The following DGKB variants were observed in gnomAD, a reference collection of about 807,000 sequenced individuals.
DGKB encodes the protein diacylglycerol kinase beta.
In DGKB, 67 loss-of-function variants were observed where a neutral mutation model predicts 114.3. The ratio of observed to expected loss-of-function variants is 0.59; its 90% CI spans 0.48 to 0.72. The LOEUF is 0.72. Among genes scored for constraint, DGKB ranks in the 30% least tolerant of loss-of-function variants. DGKB has a pLI of 0.00. For missense variants in DGKB, 907 were observed against 975.2 expected, an observed-to-expected ratio of 0.93 and a Z score of 0.93; for synonymous variants, 398 against 323.1, an observed-to-expected ratio of 1.23 and a Z score of -2.49.
chr7:14,421,548 C>G lies in DGKB; in HGVS notation c.1835+56613G>C, dbSNP rs1316132426. ...ACAAGTTATTCAAATGTCTTTTGCC[C>G]TTTGTCTTATTCAAATGTCAATTGC... On this transcript the variant is annotated intron_variant, in intron 21 of 25. Transcript: ENST00000402815. 2.0e-5 allele frequency among the ~76,000 whole-genome samples: 3 copies of G among 151,916 alleles called. No individual in the cohort carries two copies. The East Asian group carries it at 5.8e-4, about 29-fold the overall frequency.
intron 20 of DGKB, among the ~76,000 whole-genome samples, chr7:14,521,644 T>G (rs1341333006): frequency 6.6e-6 from 1 of 152,188 alleles, no homozygotes; most frequent in Non-Finnish European, 1.5e-5. Flanking sequence ...AATTATCTCT[T>G]CAGTGAGTTA....
chr7:14,214,400 A>G (rs1052505433), intron 23 of DGKB, among the ~76,000 whole-genome samples: 1 of 152,148 alleles, frequency 6.6e-6, no homozygotes, highest in East Asian at 1.9e-4. Context: ...TTTTTTAACA[A>G]AGAAAAATTT....
intron 1 of DGKB, among the ~76,000 whole-genome samples, chr7:14,926,382 A>G (rs1383188199): frequency 9.2e-5 from 14 of 151,878 alleles, no homozygotes; most frequent in Non-Finnish European, 1.5e-4. Flanking sequence ...TTGATTGAAT[A>G]TTCGAATGTT....
intron 20 of DGKB, among the ~76,000 whole-genome samples, chr7:14,553,944 C>T (rs1328522664): frequency 7.3e-6 from 1 of 136,256 alleles, no homozygotes; most frequent in Non-Finnish European, 1.5e-5. Flanking sequence ...GGGATCTCGG[C>T]TCACTGCAAG....
At chr7:14,169,520 A>C (rs1345692354) in intron 25 of DGKB, among the ~76,000 whole-genome samples, 1 of 152,264 alleles carries the variant, frequency 6.6e-6, no homozygotes, top group East Asian at 1.9e-4. Context: ...AAAACGAAGT[A>C]CTATGCATGG....
At chr7:14,334,859 A>G (rs1583256137) in intron 23 of DGKB, among the ~76,000 whole-genome samples, 1 of 152,268 alleles carries the variant, frequency 6.6e-6, no homozygotes, top group East Asian at 1.9e-4. Flanking sequence ...GGAGAACTGA[A>G]GACTAATTTG....
intron 2 of DGKB, among the ~76,000 whole-genome samples, chr7:14,781,634 A>G (rs1348921728): frequency 1.3e-5 from 2 of 152,172 alleles, no homozygotes; most frequent in African/African-American, 4.8e-5. Context: ...AATTACTCAG[A>G]GACTTGTTCT....
At chr7:14,610,138 G>A (rs1429306448) in intron 16 of DGKB, among the ~76,000 whole-genome samples, 2 of 151,946 alleles carry the variant, frequency 1.3e-5, no homozygotes, top group South Asian at 2.1e-4. Context: ...CATCAATGCT[G>A]GGCTGGATAA....
intron 23 of DGKB, among the ~76,000 whole-genome samples, chr7:14,277,817 T>C (rs1014715265): frequency 6.6e-6 from 1 of 152,250 alleles, no homozygotes; most frequent in Non-Finnish European, 1.5e-5. Flanking sequence ...ATAGTAGTTC[T>C]ATTTTTATTT....
chr7:14,927,412 C>T (rs926621423), intron 1 of DGKB, among the ~76,000 whole-genome samples: 2 of 151,892 alleles, frequency 1.3e-5, no homozygotes, highest in Admixed American at 6.6e-5. Context: ...ATCTGTTCTA[C>T]CACACATTAT....
chr7:14,472,758 A>G (rs1381933392), intron 21 of DGKB, among the ~76,000 whole-genome samples: 1 of 152,116 alleles, frequency 6.6e-6, no homozygotes, highest in Non-Finnish European at 1.5e-5. Context: ...TCAGGTGGAG[A>G]TGAGGAACTG....
intron 14 of DGKB, among the ~76,000 whole-genome samples, chr7:14,627,203 T>TTA (rs1808745101): frequency 6.6e-6 from 1 of 152,172 alleles, no homozygotes; most frequent in South Asian, 2.1e-4. Context: ...CTGTACTTTA[T>TTA]TTGCCCACTA....
intron 1 of DGKB, among the ~76,000 whole-genome samples, chr7:14,850,266 C>A (rs1400475036): frequency 1.3e-5 from 2 of 152,118 alleles, no homozygotes; most frequent in African/African-American, 4.8e-5. Context: ...GACTCATCAA[C>A]CCTTGGAGAG....
intron 1 of DGKB, among the ~76,000 whole-genome samples, chr7:14,864,576 A>G (rs1311049142): frequency 6.6e-6 from 1 of 152,236 alleles, no homozygotes; most frequent in East Asian, 1.9e-4. Context: ...AGTTATGCCC[A>G]GGTATATTGA....
chr7:14,322,478 A>T (rs1334577627), intron 23 of DGKB, among the ~76,000 whole-genome samples: 2 of 152,234 alleles, frequency 1.3e-5, no homozygotes, highest in African/African-American at 4.8e-5. Flanking sequence ...TAAACCATGC[A>T]CAAAAATCAA....
rs1806710723 is a variant in DGKB, at chr7:14,317,103, C to A, written c.2122+21412G>T. Reference sequence around the variant, plus strand: ...TCAACAACCCTTCATGCTAAAAACTCTCAATAAATTAGGTATTGATGGGAC... The same window carrying A: ...TCAACAACCCTTCATGCTAAAAACTATCAATAAATTAGGTATTGATGGGAC... On this transcript the variant is annotated intron_variant, in intron 23 of 25. Transcript: ENST00000402815. Among the ~76,000 whole-genome samples the A allele has an allele frequency of 2.7e-5, 2 of 74,942 alleles. 1 individual carries two copies. The highest frequency in any genetic ancestry group is 2.7e-4 in the Admixed American group (2 of 7,328). 49.2% of individuals were successfully genotyped at this position (74,942 alleles called of 152,430 possible). A position where few individuals can be genotyped will look rare whatever the true frequency, so the allele number is the denominator to read the frequency against.
At chr7:14,417,905 G>T (rs1183425826) in intron 21 of DGKB, among the ~76,000 whole-genome samples, 1 of 151,438 alleles carries the variant, frequency 6.6e-6, no homozygotes, top group South Asian at 2.1e-4. Context: ...ACCTAGTTTG[G>T]ATGGAAACCT....
chr7:14,919,817 T>C (rs540480506), intron 1 of DGKB, among the ~76,000 whole-genome samples: 11 of 152,290 alleles, frequency 7.2e-5, no homozygotes, highest in African/African-American at 2.4e-4. Flanking sequence ...TTAGTTCACA[T>C]GTGAGCTTGT....
At chr7:14,672,454 A>G (rs574156119) in intron 13 of DGKB, among the ~76,000 whole-genome samples, 3 of 150,742 alleles carry the variant, frequency 2.0e-5, no homozygotes, top group African/African-American at 7.3e-5. Context: ...GTTCAATAAA[A>G]TTTTTTTTTT....
Sources: allele counts gnomAD v4.1 joint callset (sites outside exome capture counted in the v4.1 genomes callset), GRCh38; gene constraint gnomAD v4.1.1; transcripts MANE v1.5; gene names NCBI Gene and HGNC (gene_info 2026-07-23, HGNC 2026-07-21).